MEGF11: variants seen among roughly 807,000 people sequenced by gnomAD.
MEGF11 encodes the protein multiple epidermal growth factor-like domains protein 11.
Under a neutral mutation model 146.6 loss-of-function variants are expected in MEGF11, and 126 were observed. The ratio of observed to expected loss-of-function variants is 0.86; its 90% CI spans 0.74 to 1.00. The LOEUF is 1.00. MEGF11 is among the 50% of genes least tolerant of loss of function. The pLI is 0.00. For missense variants in MEGF11, 1,509 were observed against 1,521.2 expected (o/e 0.99, Z 0.13); for synonymous variants, 532 against 583.4 (o/e 0.91, Z 1.27).
intron 1 of MEGF11, among the ~76,000 whole-genome samples, chr15:66,191,690 C>T (rs907021497): frequency 2.0e-5 from 3 of 152,120 alleles, no homozygotes; most frequent in African/African-American, 7.2e-5. Flanking sequence ...GTTCAGATGC[C>T]CCCTTGAGGA....
chr15:65,988,797 T>C (rs2081948087), intron 5 of MEGF11, among the ~76,000 whole-genome samples: 1 of 152,078 alleles, frequency 6.6e-6, no homozygotes, highest in Admixed American at 6.5e-5. Context: ...AGCTAAGGTG[T>C]GTCCTTAGTT....
At chr15:66,244,859 C>T (rs1361582301) in intron 1 of MEGF11, among the ~76,000 whole-genome samples, 1 of 152,130 alleles carries the variant, frequency 6.6e-6, no homozygotes, top group Non-Finnish European at 1.5e-5. Context: ...GTGCTGTGTG[C>T]TTGCTGGCCA....
intron 1 of MEGF11, among the ~76,000 whole-genome samples, chr15:66,154,193 C>A (rs1049410055): frequency 1.3e-5 from 2 of 152,238 alleles, no homozygotes; most frequent in African/African-American, 2.4e-5. Flanking sequence ...GATAGTGTAA[C>A]CCTTGCTACC....
intron 5 of MEGF11, among the ~76,000 whole-genome samples, chr15:66,061,126 G>A (rs772583372): frequency 1.2e-4 from 19 of 152,218 alleles, no homozygotes; most frequent in East Asian, 9.6e-4. Flanking sequence ...ACTCCCAGGC[G>A]CCTCACTGAA....
intron 1 of MEGF11, among the ~76,000 whole-genome samples, chr15:66,138,523 A>G (rs1415488573): frequency 3.9e-5 from 6 of 152,168 alleles, no homozygotes; most frequent in Non-Finnish European, 5.9e-5. Context: ...TGTCCATGAC[A>G]CTGATAACTT....
At chr15:66,078,380 C>T (rs991337012) in intron 5 of MEGF11, among the ~76,000 whole-genome samples, 2 of 152,138 alleles carry the variant, frequency 1.3e-5, no homozygotes, top group Non-Finnish European at 2.9e-5. Context: ...TTGCCGTAGC[C>T]GAGTGACCTT....
intron 5 of MEGF11, among the ~76,000 whole-genome samples, chr15:66,028,701 T>C (rs2083419247): frequency 6.6e-6 from 1 of 152,244 alleles, no homozygotes; most frequent in African/African-American, 2.4e-5. Flanking sequence ...CCCAACGCAC[T>C]ATTATGTAGC....
At chr15:66,211,252 G>A (rs776014248) in intron 1 of MEGF11, among the ~76,000 whole-genome samples, 6 of 152,336 alleles carry the variant, frequency 3.9e-5, no homozygotes, top group Admixed American at 6.5e-5. Context: ...AGCCGGGCTT[G>A]GTGGCTCACG....
At chr15:65,985,896 A>C (rs750710566) in intron 5 of MEGF11, among the ~76,000 whole-genome samples, 12 of 151,950 alleles carry the variant, frequency 7.9e-5, no homozygotes, top group Non-Finnish European at 1.5e-4. Flanking sequence ...GCTTTCTCAC[A>C]ACACAGACTG....
At chr15:66,179,210 G>A (rs148485834) in intron 1 of MEGF11, among the ~76,000 whole-genome samples, 90 of 152,264 alleles carry the variant, frequency 5.9e-4, no homozygotes, top group African/African-American at 2.0e-3. Context: ...TCAGCTCACC[G>A]CAACCTCTGC....
At chr15:66,169,697 C>CT (rs892326837) in intron 1 of MEGF11, among the ~76,000 whole-genome samples, 3 of 152,334 alleles carry the variant, frequency 2.0e-5, no homozygotes, top group Admixed American at 6.5e-5. Flanking sequence ...GTTTCATTTT[C>CT]TTTTTTGCAG....
At chr15:66,252,681 G>A (rs1342698800) in intron 1 of MEGF11, among the ~76,000 whole-genome samples, 1 of 152,242 alleles carries the variant, frequency 6.6e-6, no homozygotes, top group African/African-American at 2.4e-5. Flanking sequence ...ACGCCCTCGA[G>A]GAACGATTCT....
At chr15:65,968,674 C>G (rs995833313) in intron 8 of MEGF11, among the ~76,000 whole-genome samples, 2 of 151,986 alleles carry the variant, frequency 1.3e-5, no homozygotes, top group African/African-American at 4.8e-5. Flanking sequence ...GCCTGCGGAA[C>G]AGAAGGATAA....
At chr15:66,033,573 C>T (rs2140250705) in intron 5 of MEGF11, among the ~76,000 whole-genome samples, 2 of 152,282 alleles carry the variant, frequency 1.3e-5, no homozygotes, top group Non-Finnish European at 2.9e-5. Flanking sequence ...TCATGGTGGC[C>T]TCCATCTAGA....
At chr15:66,197,659 T>C (rs1487534200) in intron 1 of MEGF11, among the ~76,000 whole-genome samples, 3 of 152,076 alleles carry the variant, frequency 2.0e-5, no homozygotes, top group Admixed American at 6.6e-5. Flanking sequence ...CCTGACCTCG[T>C]GATCCGCCCG....
At chr15:66,176,659 C>A (rs1410801784) in intron 1 of MEGF11, among the ~76,000 whole-genome samples, 1 of 152,178 alleles carries the variant, frequency 6.6e-6, no homozygotes, top group Non-Finnish European at 1.5e-5. Context: ...CAGTTCTGGT[C>A]TAGAAGCTAA....
intron 9 of MEGF11, among the ~76,000 whole-genome samples, chr15:65,959,471 A>G (rs980502223): frequency 2.6e-5 from 4 of 152,218 alleles, no homozygotes; most frequent in Non-Finnish European, 4.4e-5. Flanking sequence ...TTCCTCCATC[A>G]AAACAGTGAA....
intron 1 of MEGF11, among the ~76,000 whole-genome samples, chr15:66,207,909 C>A (rs535263186): frequency 5.9e-5 from 9 of 152,042 alleles, no homozygotes; most frequent in Admixed American, 5.9e-4. Flanking sequence ...ATGGCAAAAC[C>A]CTGTCTCTAC....
intron 1 of MEGF11, among the ~76,000 whole-genome samples, chr15:66,246,218 T>C (rs1475198359): frequency 3.3e-5 from 5 of 152,168 alleles, no homozygotes; most frequent in African/African-American, 7.2e-5. Flanking sequence ...GATCACGCCA[T>C]TGCTCTCCAG....
Sources: gnomAD v4.1 joint callset for allele counts (sites outside exome capture counted in the v4.1 genomes callset) on GRCh38, gnomAD v4.1.1 for gene constraint, MANE v1.5 for transcripts, NCBI Gene and HGNC (gene_info 2026-07-23, HGNC 2026-07-21) for gene names.